Variants in PPP2CA observed in about 807,000 individuals in gnomAD.
The protein encoded by PPP2CA is protein phosphatase 2 catalytic subunit alpha, also known as serine/threonine-protein phosphatase 2A catalytic subunit alpha isoform.
In PPP2CA, 5 loss-of-function variants were observed where a neutral mutation model predicts 38.8. The ratio of observed to expected loss-of-function variants is 0.13; its 90% CI spans 0.07 to 0.27. PPP2CA has a LOEUF of 0.27. Ranked by LOEUF, PPP2CA falls within the 10% of genes least tolerant of loss-of-function variation. The pLI is 1.00. For missense variants in PPP2CA, 88 were observed against 389.7 expected (o/e 0.23, Z 6.52); for synonymous variants, 152 against 134.0 (o/e 1.13, Z -0.93).
In PPP2CA at chr5:134,201,800, A is replaced by C. The variant is rs769833285; in HGVS notation, c.486+48T>G. Reference sequence around the variant, plus strand: ...AGTCATAAGCACCTGAACACTAAAGAAAGCAGATTCTCTGAAATAATCAGC... The same window carrying C: ...AGTCATAAGCACCTGAACACTAAAGCAAGCAGATTCTCTGAAATAATCAGC... On this transcript the variant is annotated intron_variant, in intron 3 of 6. Coordinates refer to ENST00000481195, the MANE Select transcript of PPP2CA (RefSeq NM_002715.4). 5 of 1,581,264 alleles carry C rather than the reference A, an allele frequency of 3.2e-6. No homozygotes were observed. In the Admixed American group the frequency reaches 5.5e-5, roughly 17 times the overall value.
intron 2 of PPP2CA, chr5:134,205,583 A>G (rs762806979): frequency 2.3e-5 from 5 of 220,218 alleles, no homozygotes; most frequent in Non-Finnish European, 4.6e-5. Context: ...GGGCTTCACC[A>G]TGTTCTCCAG....
intron 1 of PPP2CA, among the ~76,000 whole-genome samples, chr5:134,224,059 A>G (rs1762504088): frequency 6.6e-6 from 1 of 152,224 alleles, no homozygotes; most frequent in Non-Finnish European, 1.5e-5. Context: ...TCTTCCAGTT[A>G]CGTCATTACC....
At chr5:134,201,810 C>T (rs1195849690) in intron 3 of PPP2CA, 38 bp downstream of exon 3, 3 of 1,591,352 alleles carry the variant, frequency 1.9e-6, no homozygotes, top group Middle Eastern at 1.7e-4. Context: ...AAAGCAGATT[C>T]TCTGAAATAA....
intron 1 of PPP2CA, among the ~76,000 whole-genome samples, chr5:134,223,406 T>C (rs1476256220): frequency 6.6e-6 from 1 of 152,354 alleles, no homozygotes; most frequent in Admixed American, 6.5e-5. Context: ...CAAATTAATT[T>C]AGTTTGGAAG....
At chr5:134,201,321 T>C (rs1761962709) in intron 3 of PPP2CA, among the ~76,000 whole-genome samples, 1 of 152,234 alleles carries the variant, frequency 6.6e-6, no homozygotes, top group African/African-American at 2.4e-5. Context: ...TCTGCCTGAA[T>C]GAGACTTGAC....
At chr5:134,210,756 C>G (rs532424311) in intron 1 of PPP2CA, among the ~76,000 whole-genome samples, 147 of 152,150 alleles carry the variant, frequency 9.7e-4, no homozygotes, top group African/African-American at 3.2e-3. Flanking sequence ...TCACTTGAAC[C>G]CAATGGGCCA....
chr5:134,209,776 CAA>C (rs3216502), intron 1 of PPP2CA, among the ~76,000 whole-genome samples: 11 of 149,686 alleles, frequency 7.3e-5, no homozygotes, highest in Admixed American at 4.0e-4. Flanking sequence ...AGACTCTGTC[CAA>C]AAAAAAAAAG....
At chr5:134,218,056 A>G (rs1762358161) in intron 1 of PPP2CA, among the ~76,000 whole-genome samples, 1 of 151,972 alleles carries the variant, frequency 6.6e-6, no homozygotes, top group Non-Finnish European at 1.5e-5. Context: ...TTATAATTTC[A>G]TAAGACCACC....
chr5:134,212,422 G>A (rs973616706), intron 1 of PPP2CA, among the ~76,000 whole-genome samples: 9 of 152,054 alleles, frequency 5.9e-5, no homozygotes, highest in Admixed American at 2.0e-4. Flanking sequence ...ACTACCAACC[G>A]TGCCCATAAG....
intron 1 of PPP2CA, among the ~76,000 whole-genome samples, chr5:134,218,570 T>C (rs1580650032): frequency 6.6e-6 from 1 of 152,260 alleles, no homozygotes; most frequent in East Asian, 1.9e-4. Flanking sequence ...TATTAAAAAA[T>C]TGTCACAATA....
chr5:134,222,939 C>A (rs1762476732), intron 1 of PPP2CA, among the ~76,000 whole-genome samples: 1 of 152,160 alleles, frequency 6.6e-6, no homozygotes, highest in African/African-American at 2.4e-5. Flanking sequence ...TTTATAAATG[C>A]ATACTTAGAT....
At chr5:134,215,569 CAT>C (rs1762299072) in intron 1 of PPP2CA, among the ~76,000 whole-genome samples, 1 of 132,064 alleles carries the variant, frequency 7.6e-6, no homozygotes, top group African/African-American at 2.9e-5. Flanking sequence ...AGCAAAACTC[CAT>C]CTCAAAAAAT....
At position 134,225,872 on chromosome 5, in the gene PPP2CA, G is replaced by A. The variant is rs576712101; in HGVS notation, c.-11C>T. ...CACCTTCTCGTCCATGATGCCACCCGCCCCAGCCGGCTGCCGCTCCGCGCT... is the reference window on the plus strand; with the variant it reads ...CACCTTCTCGTCCATGATGCCACCCACCCCAGCCGGCTGCCGCTCCGCGCT... On this transcript the variant is annotated 5_prime_UTR_variant, in exon 1 of 7. Transcript: ENST00000481195. 13 of 1,601,928 alleles carry A rather than the reference G, an allele frequency of 8.1e-6. No individual in the cohort carries two copies. The East Asian group carries it at 2.5e-4, about 30-fold the overall frequency.
At position 134,194,566 on chromosome 5, in the gene PPP2CA, A is replaced by G. The variant is rs1761801531; in HGVS notation, c.*3206T>C. 1 of 152,254 alleles carries G rather than the reference A, an allele frequency of 6.6e-6. No homozygotes were observed. Among genetic ancestry groups the G allele is most frequent in the Non-Finnish European group, 1.5e-5 (1 of 68,044 alleles). 9.4% of individuals were successfully genotyped at this position (152,254 alleles called of 1,614,324 possible). A position where few individuals can be genotyped will look rare whatever the true frequency, so the allele number is the denominator to read the frequency against. ...TTATCAACATCCATGAACCACCACCATGTATCCCAATTTTCTTAAGTATGT... is the reference window on the plus strand; with the variant it reads ...TTATCAACATCCATGAACCACCACCGTGTATCCCAATTTTCTTAAGTATGT... On this transcript the variant is annotated 3_prime_UTR_variant, in exon 7 of 7. Coordinates refer to ENST00000481195, the MANE Select transcript of PPP2CA (RefSeq NM_002715.4).
At chr5:134,199,517 T>C (rs1369057519) in intron 5 of PPP2CA, 1 of 211,790 alleles carries the variant, frequency 4.7e-6, no homozygotes, top group Non-Finnish European at 9.4e-6. Flanking sequence ...TTGCTGTAAA[T>C]GACAATGTCT....
chr5:134,218,669 C>CTTTT (rs11400515), intron 1 of PPP2CA, among the ~76,000 whole-genome samples: 1 of 144,454 alleles, frequency 6.9e-6, no homozygotes. Flanking sequence ...TTGTTTCTTT[C>CTTTT]TTTTTTTTTT....
intron 1 of PPP2CA, among the ~76,000 whole-genome samples, chr5:134,218,076 A>C (rs1762358691): frequency 6.6e-6 from 1 of 151,968 alleles, no homozygotes; most frequent in African/African-American, 2.4e-5. Flanking sequence ...CATCACATGC[A>C]GTCCACCACT....
intron 1 of PPP2CA, among the ~76,000 whole-genome samples, chr5:134,223,849 G>A (rs967472884): frequency 6.6e-5 from 10 of 152,184 alleles, no homozygotes; most frequent in Admixed American, 3.3e-4. Flanking sequence ...CCTCAAAAGA[G>A]TATGCAATCT....
chr5:134,225,472 G>A, intron 1 of PPP2CA: 1 of 362,610 alleles, frequency 2.8e-6, no homozygotes, highest in African/African-American at 2.2e-5. Context: ...TGACCCACAG[G>A]GTCTCCGCTC....
Sources: allele counts gnomAD v4.1 joint callset (sites outside exome capture counted in the v4.1 genomes callset), GRCh38; gene constraint gnomAD v4.1.1; transcripts MANE v1.5; gene names NCBI Gene and HGNC (gene_info 2026-07-23, HGNC 2026-07-21).